The following CAB39 variants were observed in gnomAD, a reference collection of about 807,000 sequenced individuals.
CAB39 encodes the protein calcium-binding protein 39.
Under a neutral mutation model 40.0 loss-of-function variants are expected in CAB39, and 8 were observed. The ratio of observed to expected loss-of-function variants is 0.20; its 90% CI spans 0.12 to 0.36. The LOEUF is 0.36. CAB39 is among the 10% of genes least tolerant of loss of function. The pLI is 1.00. For synonymous variants in CAB39, 156 were observed against 141.6 expected (o/e 1.10, Z -0.72); for missense variants, 270 against 401.1 (o/e 0.67, Z 2.79).
At chr2:230,773,245 G>A (rs1172049231) in intron 2 of CAB39, among the ~76,000 whole-genome samples, 3 of 151,002 alleles carry the variant, frequency 2.0e-5, no homozygotes, top group Non-Finnish European at 4.4e-5. Flanking sequence ...GGTGGTTACG[G>A]TTTTGGTGGT....
At chr2:230,767,251 C>T (rs115815002) in intron 2 of CAB39, among the ~76,000 whole-genome samples, 2,298 of 152,248 alleles carry the variant, frequency 0.015, 30 homozygotes, top group Non-Finnish European at 0.019. Flanking sequence ...CTATCCTTTC[C>T]GTTTTTCAGG....
At chr2:230,788,344 A>G (rs1371654720) in intron 2 of CAB39, among the ~76,000 whole-genome samples, 1 of 151,972 alleles carries the variant, frequency 6.6e-6, no homozygotes, top group Non-Finnish European at 1.5e-5. Flanking sequence ...AGTTATTATA[A>G]GAACCTGACA....
At chr2:230,769,834 A>T (rs1470096677) in intron 2 of CAB39, among the ~76,000 whole-genome samples, 3 of 151,562 alleles carry the variant, frequency 2.0e-5, no homozygotes, top group Non-Finnish European at 2.9e-5. Flanking sequence ...CAAAAAAAAA[A>T]AAAAGGGCCG....
intron 7 of CAB39, 75 bp downstream of exon 7, chr2:230,814,189 G>A: frequency 1.3e-6 from 1 of 752,166 alleles, no homozygotes; most frequent in Non-Finnish European, 2.2e-6. Context: ...AAAGGGAGAT[G>A]TGCAGGATGG....
At position 230,818,687 on chromosome 2, in the gene CAB39, G is replaced by A. The variant is rs1696448624; in HGVS notation, c.1009G>A (p.Ala337Thr). 1 of 1,613,188 alleles carries A rather than the reference G, an allele frequency of 6.2e-7. No individual in the cohort carries two copies. Among genetic ancestry groups the A allele is most frequent in the African/African-American group, 1.3e-5 (1 of 74,878 alleles). The change falls in exon 9 of 9, where the codon GCT becomes ACT. Residue 337 changes from alanine (A) to threonine (T), a missense_variant. Physicochemically the swap from Ala to Thr is moderately conservative, Grantham distance 58. Transcript: ENST00000258418. ...ACAGATCAGGGATTTGAAGAGACCAGCTCAGCAAGAAGCTTAATCTCCAAT... is the reference window on the plus strand; with the variant it reads ...ACAGATCAGGGATTTGAAGAGACCAACTCAGCAAGAAGCTTAATCTCCAAT... ...VKQIRDLKRP[A>T]QQEA
At chr2:230,795,936 C>G (rs1453069000) in intron 4 of CAB39, among the ~76,000 whole-genome samples, 1 of 151,848 alleles carries the variant, frequency 6.6e-6, no homozygotes, top group African/African-American at 2.4e-5. Context: ...ACGTTTTTGT[C>G]TTTTTAAAAA....
intron 3 of CAB39, among the ~76,000 whole-genome samples, chr2:230,792,764 A>T (rs1282550022): frequency 6.6e-6 from 1 of 152,214 alleles, no homozygotes; most frequent in Non-Finnish European, 1.5e-5. Context: ...TCCATTTTTA[A>T]TATAGCAGCA....
chr2:230,727,608 G>A (rs979544907), intron 1 of CAB39, among the ~76,000 whole-genome samples: 1 of 151,542 alleles, frequency 6.6e-6, no homozygotes, highest in African/African-American at 2.4e-5. Context: ...GTAGAGATGG[G>A]GTTTTGCTAT....
At chr2:230,770,656 CTAATATG>C (rs1695465361) in intron 2 of CAB39, among the ~76,000 whole-genome samples, 1 of 152,158 alleles carries the variant, frequency 6.6e-6, no homozygotes, top group Non-Finnish European at 1.5e-5. Context: ...AACCTACAGA[CTAATATG>C]TCTCACGAAC....
At chr2:230,787,568 C>G (rs1318219135) in intron 2 of CAB39, among the ~76,000 whole-genome samples, 1 of 152,206 alleles carries the variant, frequency 6.6e-6, no homozygotes, top group Non-Finnish European at 1.5e-5. Flanking sequence ...CAAGCAGTAC[C>G]TGTGAAAGCC....
At chr2:230,783,509 C>G (rs1695733467) in intron 2 of CAB39, among the ~76,000 whole-genome samples, 1 of 146,976 alleles carries the variant, frequency 6.8e-6, no homozygotes, top group Non-Finnish European at 1.5e-5. Flanking sequence ...TGCTCTCGCT[C>G]TGCCATCCAG....
chr2:230,787,264 C>G lies in CAB39; in HGVS notation c.115-3608C>G, dbSNP rs1695809427. On this transcript the variant is annotated intron_variant, in intron 2 of 8. Coordinates refer to ENST00000258418, the MANE Select transcript of CAB39 (RefSeq NM_016289.4). ...CCCTGCTCCAAGATTTGTAGTAGAT[C>G]ATTACTGAAAGGAGCATGATGATTC... is the stretch of plus-strand genomic sequence containing the variant. Among the ~76,000 whole-genome samples, 2 of 152,174 alleles carry G rather than the reference C, an allele frequency of 1.3e-5. 1 individual carries two copies. Among genetic ancestry groups the G allele is most frequent in the South Asian group, 4.1e-4 (2 of 4,830 alleles).
intron 2 of CAB39, among the ~76,000 whole-genome samples, chr2:230,771,257 T>C (rs1043137427): frequency 2.6e-5 from 4 of 151,852 alleles, no homozygotes; most frequent in African/African-American, 7.3e-5. Context: ...CAGTCCAAAA[T>C]TGAAATTTAA....
chr2:230,770,774 A>G (rs1398440123), intron 2 of CAB39, among the ~76,000 whole-genome samples: 2 of 152,220 alleles, frequency 1.3e-5, no homozygotes, highest in South Asian at 2.1e-4. Context: ...GTTAATCAGT[A>G]TAATTCACTA....
intron 2 of CAB39, among the ~76,000 whole-genome samples, chr2:230,781,488 A>G (rs11683620): frequency 0.15 from 22,489 of 152,224 alleles, 2,485 homozygotes; most frequent in African/African-American, 0.32. Flanking sequence ...AAAGATTTGA[A>G]TAAAGCACAT....
rs566177717 is a variant in CAB39 at position 230,769,634 on chromosome 2, G to T, written c.114+9519G>T. On this transcript the variant is annotated intron_variant, in intron 2 of 8. Coordinates refer to ENST00000258418, the MANE Select transcript of CAB39 (RefSeq NM_016289.4). ...TCCTTAGAAAATCCCAAAATATTTA[G>T]GAACTAAATATCGTACTTCTAGATA... 1.2e-4 allele frequency among the ~76,000 whole-genome samples: 18 copies of T among 152,162 alleles called. 1 individual carries two copies. The South Asian group carries it at 3.7e-3, about 32-fold the overall frequency.
intron 2 of CAB39, among the ~76,000 whole-genome samples, chr2:230,769,744 T>C (rs1695450376): frequency 6.6e-6 from 1 of 151,196 alleles, no homozygotes; most frequent in African/African-American, 2.4e-5. Context: ...TTTGGGAGAC[T>C]GAGGCAGGCA....
intron 5 of CAB39, among the ~76,000 whole-genome samples, chr2:230,799,679 T>C (rs914250757): frequency 6.6e-6 from 1 of 152,184 alleles, no homozygotes; most frequent in Non-Finnish European, 1.5e-5. Flanking sequence ...TGAATAAATA[T>C]TTAGAACTGT....
intron 3 of CAB39, 68 bp downstream of exon 3, chr2:230,791,104 C>A: frequency 8.5e-7 from 1 of 1,170,348 alleles, no homozygotes; most frequent in Non-Finnish European, 1.2e-6. Context: ...TACGTTCTCT[C>A]TTTTGGAACA....
Sources: allele counts gnomAD v4.1 joint callset (sites outside exome capture counted in the v4.1 genomes callset), GRCh38; gene constraint gnomAD v4.1.1; transcripts MANE v1.5; gene names NCBI Gene and HGNC (gene_info 2026-07-23, HGNC 2026-07-21).